DENND1C: variants seen among roughly 807,000 people sequenced by gnomAD.
The protein encoded by DENND1C is DENN domain containing 1C, also known as DENN domain-containing protein 1C.
A neutral mutation model predicts 87.9 loss-of-function variants in DENND1C; 64 were observed. The observed-to-expected ratio is 0.73, with a 90% CI of 0.60 to 0.90. The LOEUF is 0.90. Ranked by LOEUF, DENND1C falls within the 40% of genes least tolerant of loss-of-function variation. The pLI is 0.00. For synonymous variants in DENND1C, 384 were observed against 424.4 expected, an observed-to-expected ratio of 0.90 and a Z score of 1.17; for missense variants, 980 against 1,037.0, an observed-to-expected ratio of 0.95 and a Z score of 0.76.
In DENND1C at chr19:6,467,949, G is replaced by C. The variant is rs1405341305; in HGVS notation, c.1961C>G (p.Pro654Arg). 1 of 1,613,794 alleles carries C rather than the reference G, an allele frequency of 6.2e-7. No homozygotes were observed. Among genetic ancestry groups the C allele is most frequent in the African/African-American group, 1.3e-5 (1 of 74,932 alleles). ...TGCAGAAGCTGTTGAGGACTGGGATGGAGACGTGACTTCTTGGTCGGACTC... is the reference window on the plus strand; with the variant it reads ...TGCAGAAGCTGTTGAGGACTGGGATCGAGACGTGACTTCTTGGTCGGACTC... Reference protein sequence around the residue: ...PSESDQEVTSPSQSSTASADP... With the variant: ...PSESDQEVTSRSQSSTASADP... The change falls in exon 23 of 23, where the codon CCA becomes CGA. Residue 654 changes from proline to arginine, a missense_variant. By Grantham distance (103) the Pro-to-Arg change is moderately radical. Transcript: ENST00000381480.
At position 6,472,921 on chromosome 19, in the gene DENND1C, G is replaced by A. The variant is rs374964139; in HGVS notation, c.1126C>T (p.Arg376Trp). Residue 376 changes from arginine to tryptophan, a missense_variant, in exon 15 of 23, where the codon CGG (arginine) becomes TGG (tryptophan). Arg to Trp is a moderately radical substitution (Grantham distance 101, BLOSUM62 -3). Coordinates refer to ENST00000381480, the MANE Select transcript of DENND1C (RefSeq NM_024898.4). ...KPGAPLQAFH[R>W]RAVHLQLFKQ... ...AACAGCTGCAGGTGCACAGCCCGCC[G>A]GTGGAAGGCCTGCAGAGGTGCCCCA... 24 of 1,591,356 alleles carry A rather than the reference G, an allele frequency of 1.5e-5. No homozygotes were observed. Among genetic ancestry groups the A allele is most frequent in the African/African-American group, 8.1e-5 (6 of 74,118 alleles).
chr19:6,475,838 A>G lies in DENND1C; in HGVS notation c.778T>C (p.Cys260Arg), dbSNP rs2092856467. 6.5e-7 allele frequency: 1 copy of G among 1,536,684 alleles called. No homozygotes were observed. Among genetic ancestry groups the G allele is most frequent in the Non-Finnish European group, 8.7e-7 (1 of 1,143,168 alleles). The change falls in exon 11 of 23, where the codon TGC becomes CGC. Residue 260 changes from cysteine to arginine, a missense_variant and splice_region_variant. Coordinates refer to ENST00000381480, the MANE Select transcript of DENND1C (RefSeq NM_024898.4). ...TLPPHLLDYC[C>R]APMPYLIGVH... ...CCCCTCCCAGCTGCCCTCGCTCACC[A>G]GCAGTAGTCCAGCAGGTGTGGGGGC...
At position 6,477,466 on chromosome 19, in the gene DENND1C, G is replaced by T. The variant is rs1056339317; in HGVS notation, c.367-8C>A. On this transcript the variant is annotated splice_polypyrimidine_tract_variant and splice_region_variant and intron_variant, in intron 6 of 22. Coordinates refer to ENST00000381480, the MANE Select transcript of DENND1C (RefSeq NM_024898.4). ...TTCCTCTGCCTCGGTGACCTGGGTG[G>T]GACGTGGAGGGGCGGGGGTGGCTGA... 1.9e-6 allele frequency: 3 copies of T among 1,612,542 alleles called. No homozygotes were observed. The highest frequency in any genetic ancestry group is 2.5e-6 in the Non-Finnish European group (3 of 1,179,498).
chr19:6,476,969 T>G lies in DENND1C; in HGVS notation c.568-2A>C. On this transcript the variant is annotated splice_acceptor_variant, in intron 9 of 22. Transcript: ENST00000381480. LOFTEE classifies it high-confidence loss of function. ...CACCACCAGCTCCGTTAGGTTCCTC[T>G]GAGGATCAGAGAGTCGCTCTGGGCG... 1.2e-6 allele frequency: 2 copies of G among 1,613,646 alleles called. No individual in the cohort carries two copies. Among genetic ancestry groups the G allele is most frequent in the Non-Finnish European group, 1.7e-6 (2 of 1,179,762 alleles).
At chr19:6,477,642 T>A (rs868865119) in intron 6 of DENND1C, 184 bp from the exon 7 acceptor site, 4 of 110,988 alleles carry the variant, frequency 3.6e-5, no homozygotes, top group South Asian at 7.0e-4. Flanking sequence ...AGAGACAAAG[T>A]CTCCCTATGT....
intron 15 of DENND1C, among the ~76,000 whole-genome samples, chr19:6,472,516 G>A (rs2092835431): frequency 6.6e-6 from 1 of 152,140 alleles, no homozygotes; most frequent in South Asian, 2.1e-4. Flanking sequence ...TCAGCCTCCT[G>A]AGTAGCTGGG....
At chr19:6,479,176 A>C in intron 4 of DENND1C, 120 bp from the exon 5 acceptor site, 2 of 1,376,716 alleles carry the variant, frequency 1.5e-6, no homozygotes, top group Non-Finnish European at 2.0e-6. Context: ...AGGATCCCTG[A>C]ATGTCTGGAT....
In DENND1C at chr19:6,468,323, T is replaced by C. The variant is rs1467354434; in HGVS notation, c.1702A>G (p.Ser568Gly). The change falls in exon 22 of 23, where the codon AGC becomes GGC. Residue 568 changes from serine (S) to glycine (G), a missense_variant. Physicochemically the swap from Ser to Gly is moderately conservative, Grantham distance 56. Coordinates refer to ENST00000381480, the MANE Select transcript of DENND1C (RefSeq NM_024898.4). The stretch of plus-strand genomic sequence containing the variant: ...CTGCCTGCGCTCTTGGCTCCCATGC[T>C]AAGACTGTCCAGAATCTCGCTCAAC... ...DLLSEILDSLSMGAKSAGSLR... is the reference protein window; with the variant it reads ...DLLSEILDSLGMGAKSAGSLR... 6.2e-7 allele frequency: 1 copy of C among 1,613,888 alleles called. No homozygotes were observed. The highest frequency in any genetic ancestry group is 8.5e-7 in the Non-Finnish European group (1 of 1,179,846).
Position 6,475,283 on chromosome 19 carries a change from G to A in DENND1C, c.1044C>T (p.Val348=), listed in dbSNP as rs1231900406. The A allele has an allele frequency of 3.1e-6, 5 of 1,613,304 alleles. No homozygotes were observed. In the East Asian group the frequency reaches 6.7e-5, roughly 22 times the overall value. The change falls in exon 14 of 23, where the codon GTC becomes GTT. Residue 348 remains valine, a synonymous_variant. Transcript: ENST00000381480. ...CGTCCCCGCTGCTCACCGGGCTGCA[G>A]ACGAGTGCGTCGCGGTACCCCCCGA... is the stretch of plus-strand genomic sequence containing the variant. The part of the protein sequence containing the change: ...LLFGGYRDAL[V]CSPGQPVTFS...
Position 6,470,514 on chromosome 19 carries a change from T to C in DENND1C, c.1291-148A>G. On this transcript the variant is annotated intron_variant, in intron 17 of 22. Coordinates refer to ENST00000381480, the MANE Select transcript of DENND1C (RefSeq NM_024898.4). ...ATGAACATGATCGTAGTCATGACCC[T>C]ACCTGGTGACTTGCGGAGTTAAATT... 4.1e-6 allele frequency: 3 copies of C among 723,598 alleles called. No individual in the cohort carries two copies. In the Admixed American group the frequency reaches 7.5e-5, roughly 18 times the overall value. The allele number at this position is 723,598 out of a possible 1,614,324, so 44.8% of individuals were successfully genotyped here.
intron 18 of DENND1C, 37 bp from the exon 19 acceptor site, chr19:6,469,677 T>C: frequency 6.3e-7 from 1 of 1,583,424 alleles, no homozygotes; most frequent in Non-Finnish European, 8.6e-7. Context: ...CCAAGGGTGG[T>C]GGGATCCTGG....
In DENND1C at chr19:6,468,408, G is replaced by A. The variant is rs1410806986; in HGVS notation, c.1617C>T (p.Cys539=). Reference sequence around the variant, plus strand: ...TGTCCAGAGCTTCTTCTGCCCACGGGCACCCCTCATCCTCAGGGCTCAGTG... The same window carrying A: ...TGTCCAGAGCTTCTTCTGCCCACGGACACCCCTCATCCTCAGGGCTCAGTG... ...TPPLSPEDEG[C]PWAEEALDSS... Residue 539 remains cysteine (C), a synonymous_variant, in exon 22 of 23, where the codon TGC becomes TGT. Coordinates refer to ENST00000381480, the MANE Select transcript of DENND1C (RefSeq NM_024898.4). 2 of 1,613,620 alleles carry A rather than the reference G, an allele frequency of 1.2e-6. No individual in the cohort carries two copies. The highest frequency in any genetic ancestry group is 1.7e-6 in the Non-Finnish European group (2 of 1,179,752).
chr19:6,476,775 G>A, intron 10 of DENND1C, 82 bp downstream of exon 10: 1 of 1,392,912 alleles, frequency 7.2e-7, no homozygotes, highest in Admixed American at 2.3e-5. Flanking sequence ...TAGGGTTAGA[G>A]CCAGGAATCA....
At chr19:6,471,922 C>T (rs113764572) in intron 15 of DENND1C, among the ~76,000 whole-genome samples, 2,357 of 152,278 alleles carry the variant, frequency 0.015, 56 homozygotes, top group African/African-American at 0.054. Flanking sequence ...GGATTACAGG[C>T]GTAAGCCACT....
At chr19:6,481,063 G>A (rs933838579) in intron 1 of DENND1C, among the ~76,000 whole-genome samples, 2 of 151,740 alleles carry the variant, frequency 1.3e-5, no homozygotes, top group African/African-American at 4.8e-5. Context: ...TAGAACCCTC[G>A]TGGCTGGTCC....
intron 1 of DENND1C, chr19:6,480,266 T>A (rs1913456193): frequency 7.0e-7 from 1 of 1,435,012 alleles, no homozygotes; most frequent in South Asian, 1.4e-5. Context: ...AGTGAGAAAG[T>A]GTGACTGTGT....
intron 18 of DENND1C, 166 bp from the exon 19 acceptor site, chr19:6,469,806 C>A: frequency 1.5e-6 from 1 of 662,164 alleles, no homozygotes; most frequent in East Asian, 2.8e-5. Context: ...AACTTTCACC[C>A]CTTTGACTAA....
At chr19:6,471,165 C>G in intron 17 of DENND1C, 100 bp downstream of exon 17, 1 of 1,511,642 alleles carries the variant, frequency 6.6e-7, no homozygotes. Context: ...TAACCGGTCT[C>G]AAACTTCTGG....
At chr19:6,473,146 T>TTTTG (rs201804228) in intron 14 of DENND1C, among the ~76,000 whole-genome samples, 153 bp from the exon 15 acceptor site, 1,864 of 152,236 alleles carry the variant, frequency 0.012, 40 homozygotes, top group African/African-American at 0.043. Flanking sequence ...TTAAGCTGTT[T>TTTTG]TTTGTTTGTT....
Sources: gnomAD v4.1 joint callset for allele counts (sites outside exome capture counted in the v4.1 genomes callset) on GRCh38, gnomAD v4.1.1 for gene constraint, MANE v1.5 for transcripts, NCBI Gene and HGNC (gene_info 2026-07-23, HGNC 2026-07-21) for gene names.